The following SLC9A9 variants were observed in gnomAD, a reference collection of about 807,000 sequenced individuals.
SLC9A9 encodes the protein sodium/hydrogen exchanger 9.
Under a neutral mutation model 77.8 loss-of-function variants are expected in SLC9A9, and 62 were observed. The observed-to-expected ratio is 0.80, with a 90% CI of 0.65 to 0.98. The LOEUF is 0.98. Ranked by LOEUF, SLC9A9 falls within the 50% of genes least tolerant of loss-of-function variation. The pLI is 0.00. For synonymous variants in SLC9A9, 320 were observed against 283.5 expected (o/e 1.13, Z -1.29); for missense variants, 775 against 774.9 (o/e 1.00, Z 0.00).
At chr3:143,351,502 A>C (rs758484212) in intron 14 of SLC9A9, among the ~76,000 whole-genome samples, 1 of 152,194 alleles carries the variant, frequency 6.6e-6, no homozygotes, top group Non-Finnish European at 1.5e-5. Context: ...GAGAGCATCA[A>C]CTTCTGTTTG....
intron 9 of SLC9A9, among the ~76,000 whole-genome samples, chr3:143,545,705 A>T (rs781465714): frequency 6.6e-6 from 1 of 152,248 alleles, no homozygotes; most frequent in Non-Finnish European, 1.5e-5. Context: ...AGGAAGAAGC[A>T]TTCAGCCCTC....
At chr3:143,615,510 G>A (rs904251858) in intron 6 of SLC9A9, among the ~76,000 whole-genome samples, 12 of 151,516 alleles carry the variant, frequency 7.9e-5, no homozygotes, top group African/African-American at 2.2e-4. Flanking sequence ...GAGCGCTGGC[G>A]AAACAAACTG....
intron 12 of SLC9A9, among the ~76,000 whole-genome samples, chr3:143,465,638 A>T (rs2035269028): frequency 1.3e-5 from 2 of 152,072 alleles, no homozygotes; most frequent in Admixed American, 6.6e-5. Flanking sequence ...CCAAGCCCTA[A>T]TTTTTCCATG....
At chr3:143,386,863 C>T (rs1287159078) in intron 12 of SLC9A9, among the ~76,000 whole-genome samples, 1 of 152,152 alleles carries the variant, frequency 6.6e-6, no homozygotes, top group Non-Finnish European at 1.5e-5. Flanking sequence ...ATTTTTGAGA[C>T]ACAGTCTCAT....
rs776214458 is a variant in SLC9A9, at chr3:143,848,337, G to C, written c.-15C>G. 1 of 1,613,792 alleles carries C rather than the reference G, an allele frequency of 6.2e-7. No individual in the cohort carries two copies. Among genetic ancestry groups the C allele is most frequent in the South Asian group, 1.1e-5 (1 of 91,070 alleles). The stretch of plus-strand genomic sequence containing the variant: ...TGTCTCTCCATTCCCCAGTCTTCTT[G>C]GGATTCCTTAGATAAAAACCTGGAT... On this transcript the variant is annotated 5_prime_UTR_variant, in exon 1 of 16. Coordinates refer to ENST00000316549, the MANE Select transcript of SLC9A9 (RefSeq NM_173653.4).
chr3:143,644,783 T>C (rs1179940391), intron 6 of SLC9A9, among the ~76,000 whole-genome samples: 1 of 152,104 alleles, frequency 6.6e-6, no homozygotes, highest in Non-Finnish European at 1.5e-5. Flanking sequence ...TTTTTAATTA[T>C]GTATCACCCC....
At chr3:143,321,906 T>A (rs1327000062) in intron 14 of SLC9A9, among the ~76,000 whole-genome samples, 1 of 152,120 alleles carries the variant, frequency 6.6e-6, no homozygotes, top group Non-Finnish European at 1.5e-5. Flanking sequence ...TAAGTGAATA[T>A]CCACACAACA....
chr3:143,794,671 A>G (rs2008324060), intron 4 of SLC9A9, among the ~76,000 whole-genome samples: 1 of 152,194 alleles, frequency 6.6e-6, no homozygotes, highest in South Asian at 2.1e-4. Context: ...TCAATACAAG[A>G]CAAAAAAGAA....
At chr3:143,584,962 G>A (rs890061000) in intron 6 of SLC9A9, among the ~76,000 whole-genome samples, 1 of 152,230 alleles carries the variant, frequency 6.6e-6, no homozygotes, top group African/African-American at 2.4e-5. Flanking sequence ...ATGGAAGCCT[G>A]GAGGAGGGCT....
chr3:143,822,103 T>C (rs1400905186), intron 2 of SLC9A9, among the ~76,000 whole-genome samples: 1 of 152,214 alleles, frequency 6.6e-6, no homozygotes, highest in Middle Eastern at 3.2e-3. Context: ...AGGCCTAGCC[T>C]TCTGAATCCA....
At chr3:143,633,882 G>A (rs2038468281) in intron 6 of SLC9A9, among the ~76,000 whole-genome samples, 1 of 152,034 alleles carries the variant, frequency 6.6e-6, no homozygotes, top group African/African-American at 2.4e-5. Flanking sequence ...TTCATTTTAG[G>A]AATGACGTGA....
At chr3:143,553,096 T>A (rs1314699521) in intron 8 of SLC9A9, among the ~76,000 whole-genome samples, 1 of 152,180 alleles carries the variant, frequency 6.6e-6, no homozygotes, top group East Asian at 1.9e-4. Context: ...AGTAAACTGG[T>A]CTGTTCTTGT....
chr3:143,642,451 T>C (rs569948933), intron 6 of SLC9A9, among the ~76,000 whole-genome samples: 2 of 152,246 alleles, frequency 1.3e-5, no homozygotes. Context: ...TGGAGCTGCC[T>C]GATTCACAAA....
chr3:143,556,004 A>T (rs1410549282), intron 8 of SLC9A9, among the ~76,000 whole-genome samples: 1 of 152,262 alleles, frequency 6.6e-6, no homozygotes, highest in Non-Finnish European at 1.5e-5. Context: ...AAATTACTGT[A>T]ATTAGTATGA....
rs143178734 is a variant in SLC9A9, at chr3:143,452,863, T to C, written c.1469+14174A>G. On this transcript the variant is annotated intron_variant, in intron 12 of 15. Coordinates refer to ENST00000316549, the MANE Select transcript of SLC9A9 (RefSeq NM_173653.4). ...AGGTGCAATAACGGTACTTTGGTTA[T>C]CTAAGAGAATGTCCTCATTCTTAGA... Among the ~76,000 whole-genome samples, 464 of 152,216 alleles carry C rather than the reference T, an allele frequency of 3.0e-3. 2 individuals are homozygous for C. Among genetic ancestry groups the C allele is most frequent in the African/African-American group, 0.011 (450 of 41,554 alleles).
chr3:143,774,602 A>G (rs2007630077), intron 4 of SLC9A9, among the ~76,000 whole-genome samples: 1 of 152,244 alleles, frequency 6.6e-6, no homozygotes, highest in South Asian at 2.1e-4. Context: ...AAGACAGAGT[A>G]GCCTGGAAGT....
At chr3:143,583,963 A>G (rs1330080381) in intron 6 of SLC9A9, among the ~76,000 whole-genome samples, 1 of 152,206 alleles carries the variant, frequency 6.6e-6, no homozygotes, top group Non-Finnish European at 1.5e-5. Flanking sequence ...AAAGTGCTCA[A>G]TAAATGCTAG....
intron 14 of SLC9A9, among the ~76,000 whole-genome samples, chr3:143,341,766 ATACT>A (rs766348052): frequency 8.5e-5 from 13 of 152,192 alleles, no homozygotes; most frequent in East Asian, 1.9e-4. Context: ...ATTTATTGTA[ATACT>A]TAATATTATG....
intron 1 of SLC9A9, among the ~76,000 whole-genome samples, chr3:143,842,079 T>C (rs759724665): frequency 1.3e-5 from 2 of 151,800 alleles, no homozygotes; most frequent in South Asian, 2.1e-4. Flanking sequence ...AAATCAACTT[T>C]TAAAAACATA....
Sources: allele counts gnomAD v4.1 joint callset (sites outside exome capture counted in the v4.1 genomes callset), GRCh38; gene constraint gnomAD v4.1.1; transcripts MANE v1.5; gene names NCBI Gene and HGNC (gene_info 2026-07-23, HGNC 2026-07-21).